Variants in C12orf56 observed in about 807,000 individuals in gnomAD.
C12orf56 encodes uncharacterized protein C12orf56.
A neutral mutation model predicts 69.9 loss-of-function variants in C12orf56; 71 were observed. That is an observed-to-expected ratio of 1.02 (90% CI 0.84 to 1.24). C12orf56 has a LOEUF of 1.24. Ranked by LOEUF, C12orf56 falls within the 50% of genes most tolerant of loss-of-function variation. The pLI, the probability that C12orf56 is intolerant of heterozygous loss-of-function variation, is 0.00. For synonymous variants in C12orf56, 276 were observed against 274.1 expected (o/e 1.01, Z -0.07); for missense variants, 732 against 738.5 (o/e 0.99, Z 0.10).
chr12:64,378,019 G>A (rs2039664486), intron 1 of C12orf56, among the ~76,000 whole-genome samples: 1 of 152,190 alleles, frequency 6.6e-6, no homozygotes, highest in African/African-American at 2.4e-5. Context: ...TTTCTTGTCT[G>A]TAAAACTGAG....
At chr12:64,313,766 C>T (rs967160228) in intron 4 of C12orf56, among the ~76,000 whole-genome samples, 1 of 151,282 alleles carries the variant, frequency 6.6e-6, no homozygotes, top group African/African-American at 2.4e-5. Context: ...GATTTACAGC[C>T]CGGCCCAGTG....
rs2037922761 is a variant in C12orf56, at chr12:64,266,686, C to T, written c.*497G>A. 3 of 748,092 alleles carry T rather than the reference C, an allele frequency of 4.0e-6. No homozygotes were observed. The highest frequency in any genetic ancestry group is 5.7e-6 in the Non-Finnish European group (3 of 529,770). The allele number at this position is 748,092 out of a possible 1,614,324, so 46.3% of individuals were successfully genotyped here. ...GCATGGTTTCACCGAGAACACTGTG[C>T]CCAAGCTGAGAAGATAAAACACCTT... On this transcript the variant is annotated 3_prime_UTR_variant, in exon 13 of 13. Coordinates refer to ENST00000543942, the MANE Select transcript of C12orf56 (RefSeq NM_001170633.2).
intron 2 of C12orf56, among the ~76,000 whole-genome samples, chr12:64,349,264 A>C (rs1463867342): frequency 6.6e-6 from 1 of 152,258 alleles, no homozygotes; most frequent in African/African-American, 2.4e-5. Flanking sequence ...AAACATATGA[A>C]AAAATGCTCA....
chr12:64,309,496 TTTGTTTG>T (rs1381309018), intron 5 of C12orf56, among the ~76,000 whole-genome samples: 1 of 3,346 alleles, frequency 3.0e-4, no homozygotes, highest in Non-Finnish European at 0.021. Context: ...ACACTGTTTT[TTTGTTTG>T]TTTGTTTGTT....
intron 6 of C12orf56, among the ~76,000 whole-genome samples, chr12:64,294,401 A>G (rs540499553): frequency 2.0e-5 from 3 of 152,340 alleles, no homozygotes; most frequent in South Asian, 4.1e-4. Context: ...TCATAGCTGC[A>G]TTACTCACAA....
At chr12:64,299,013 G>A (rs2038407653) in intron 6 of C12orf56, among the ~76,000 whole-genome samples, 1 of 152,176 alleles carries the variant, frequency 6.6e-6, no homozygotes. Context: ...TCCTATCCAT[G>A]AGCATGAAAT....
At chr12:64,334,384 G>C (rs1020558569) in intron 2 of C12orf56, among the ~76,000 whole-genome samples, 1 of 152,096 alleles carries the variant, frequency 6.6e-6, no homozygotes, top group Non-Finnish European at 1.5e-5. Flanking sequence ...TAGTATCCAT[G>C]GAAAATCGGT....
At chr12:64,355,609 G>A (rs1246185481) in intron 1 of C12orf56, among the ~76,000 whole-genome samples, 1 of 151,984 alleles carries the variant, frequency 6.6e-6, no homozygotes, top group Non-Finnish European at 1.5e-5. Context: ...AGATCCTTAG[G>A]TAACTTAAAG....
intron 1 of C12orf56, among the ~76,000 whole-genome samples, chr12:64,371,008 AAAAAC>A (rs1176339587): frequency 6.6e-6 from 1 of 152,202 alleles, no homozygotes; most frequent in Non-Finnish European, 1.5e-5. Flanking sequence ...TCTAAAAAAC[AAAAAC>A]AAAAGAATAG....
chr12:64,356,432 C>T (rs1306908794), intron 1 of C12orf56, among the ~76,000 whole-genome samples: 1 of 152,148 alleles, frequency 6.6e-6, no homozygotes, highest in Non-Finnish European at 1.5e-5. Flanking sequence ...GGCAAGAGCA[C>T]ACCTGAACAA....
chr12:64,386,115 C>T (rs957470520), intron 1 of C12orf56, among the ~76,000 whole-genome samples: 2 of 152,160 alleles, frequency 1.3e-5, no homozygotes, highest in African/African-American at 4.8e-5. Context: ...GGCCTTCTTC[C>T]ACCTTCAAAA....
chr12:64,309,725 G>A (rs1158117781), intron 5 of C12orf56, among the ~76,000 whole-genome samples: 1 of 152,112 alleles, frequency 6.6e-6, no homozygotes, highest in East Asian at 1.9e-4. Flanking sequence ...TGGCCAGGCT[G>A]GTCTCAAACT....
intron 1 of C12orf56, among the ~76,000 whole-genome samples, chr12:64,376,585 C>A (rs939386548): frequency 6.6e-6 from 1 of 152,068 alleles, no homozygotes; most frequent in Admixed American, 6.6e-5. Flanking sequence ...AGCTATTCTT[C>A]CTGATCCTCT....
Position 64,275,344 on chromosome 12 carries a change from T to A in C12orf56, c.1463A>T (p.Asn488Ile). Residue 488 changes from asparagine (N) to isoleucine (I), a missense_variant, in exon 10 of 13, where the codon AAT (asparagine) becomes ATT (isoleucine). Asn to Ile is a moderately radical substitution (Grantham distance 149). Transcript: ENST00000543942. ...CTCATATAAAAGTGCTGTAGCAGTA[T>A]TTGTATACTCCAGAATAAGCTTCTG... ...ELQKLILEYT[N>I]TATALLYEIL... 6.9e-7 allele frequency: 1 copy of A among 1,439,346 alleles called. No individual in the cohort carries two copies. Among genetic ancestry groups the A allele is most frequent in the South Asian group, 1.5e-5 (1 of 67,260 alleles). 89.2% of individuals were successfully genotyped at this position (1,439,346 alleles called of 1,614,324 possible).
At chr12:64,299,838 G>C (rs1301688657) in intron 6 of C12orf56, among the ~76,000 whole-genome samples, 1 of 152,174 alleles carries the variant, frequency 6.6e-6, no homozygotes, top group Non-Finnish European at 1.5e-5. Flanking sequence ...GAAGTGCTAT[G>C]AAAGATGTCA....
intron 1 of C12orf56, among the ~76,000 whole-genome samples, chr12:64,386,198 CA>C (rs1349412057): frequency 6.6e-6 from 1 of 151,912 alleles, no homozygotes; most frequent in Non-Finnish European, 1.5e-5. Flanking sequence ...CCCTCTCTTC[CA>C]CCTTTTTTGT....
intron 1 of C12orf56, among the ~76,000 whole-genome samples, chr12:64,377,141 T>G (rs1463466907): frequency 2.0e-5 from 3 of 152,140 alleles, no homozygotes; most frequent in African/African-American, 7.2e-5. Flanking sequence ...ACATATTTGT[T>G]GGCCACATGT....
At chr12:64,390,288 C>A in intron 1 of C12orf56, 26 bp downstream of exon 1, 1 of 1,581,104 alleles carries the variant, frequency 6.3e-7, no homozygotes, top group South Asian at 1.1e-5. Flanking sequence ...CGCTCCCGAG[C>A]CCGCCTGCCC....
intron 1 of C12orf56, among the ~76,000 whole-genome samples, chr12:64,385,107 T>A (rs889912126): frequency 6.6e-6 from 1 of 151,858 alleles, no homozygotes; most frequent in Non-Finnish European, 1.5e-5. Flanking sequence ...GGTATTTTGA[T>A]GCACCCAAGA....
Sources: gnomAD v4.1 joint callset for allele counts (sites outside exome capture counted in the v4.1 genomes callset) on GRCh38, gnomAD v4.1.1 for gene constraint, MANE v1.5 for transcripts, NCBI Gene and HGNC (gene_info 2026-07-23, HGNC 2026-07-21) for gene names.